The following DLGAP2 variants were observed in gnomAD, a reference collection of about 807,000 sequenced individuals.
DLGAP2 encodes DLG associated protein 2.
DLGAP2 carries 26 observed loss-of-function variants against 100.3 expected under a neutral mutation model. That is an observed-to-expected ratio of 0.26 (90% CI 0.19 to 0.36). DLGAP2 has a LOEUF of 0.36. Among genes scored for constraint, DLGAP2 ranks in the 10% least tolerant of loss-of-function variants. DLGAP2 has a pLI of 1.00. For missense variants in DLGAP2, 1,858 were observed against 1,453.2 expected, an observed-to-expected ratio of 1.28 and a Z score of -4.53; for synonymous variants, 886 against 630.1, an observed-to-expected ratio of 1.41 and a Z score of -6.08.
intron 5 of DLGAP2, among the ~76,000 whole-genome samples, chr8:1,555,143 G>T (rs1057329069): frequency 3.3e-5 from 5 of 152,070 alleles, no homozygotes; most frequent in African/African-American, 1.2e-4. Context: ...TCCCGTAGTG[G>T]AATAGCAGGT....
intron 4 of DLGAP2, among the ~76,000 whole-genome samples, chr8:1,516,043 G>A (rs77205533): frequency 0.013 from 1,863 of 144,230 alleles, 22 homozygotes; most frequent in Non-Finnish European, 0.019. Flanking sequence ...ATGAGTAACT[G>A]AGTGAATGAG....
intron 6 of DLGAP2, among the ~76,000 whole-genome samples, chr8:1,600,723 C>G (rs956954629): frequency 9.9e-5 from 15 of 152,196 alleles, no homozygotes; most frequent in African/African-American, 3.4e-4. Flanking sequence ...TCAGCTCCAT[C>G]AGGTAATTTA....
intron 1 of DLGAP2, among the ~76,000 whole-genome samples, chr8:838,159 A>G (rs1796916472): frequency 6.6e-6 from 1 of 152,070 alleles, no homozygotes; most frequent in African/African-American, 2.4e-5. Context: ...AACATACTTT[A>G]CAATAATTTA....
At chr8:964,952 C>G (rs1014921805) in intron 2 of DLGAP2, among the ~76,000 whole-genome samples, 1 of 152,084 alleles carries the variant, frequency 6.6e-6, no homozygotes, top group Non-Finnish European at 1.5e-5. Flanking sequence ...ACCGCACACA[C>G]GGCTCCTGAG....
At chr8:1,214,943 C>T (rs765927475) in intron 2 of DLGAP2, among the ~76,000 whole-genome samples, 16 of 152,212 alleles carry the variant, frequency 1.1e-4, no homozygotes, top group Non-Finnish European at 1.8e-4. Context: ...CACACTAGAA[C>T]ATGCGTTTAA....
intron 2 of DLGAP2, among the ~76,000 whole-genome samples, chr8:1,124,954 G>A (rs1463739428): frequency 6.6e-6 from 1 of 152,050 alleles, no homozygotes; most frequent in Admixed American, 6.5e-5. Context: ...CCCCCTCATC[G>A]CTGACTGTCC....
At chr8:1,182,599 C>T (rs999126784) in intron 2 of DLGAP2, among the ~76,000 whole-genome samples, 1 of 152,174 alleles carries the variant, frequency 6.6e-6, no homozygotes, top group African/African-American at 2.4e-5. Flanking sequence ...AGAATTGTGT[C>T]ACTAGGAAAT....
chr8:1,005,772 A>C (rs905384751), intron 2 of DLGAP2, among the ~76,000 whole-genome samples: 1 of 152,150 alleles, frequency 6.6e-6, no homozygotes, highest in Non-Finnish European at 1.5e-5. Flanking sequence ...TGCAGACACC[A>C]ATCTGGATAA....
At chr8:1,663,231 G>T (rs1451531905) in intron 8 of DLGAP2, among the ~76,000 whole-genome samples, 2 of 151,952 alleles carry the variant, frequency 1.3e-5, no homozygotes, top group African/African-American at 4.8e-5. Context: ...TGGGGTGTGA[G>T]TGTGTGTGTA....
At chr8:1,199,896 C>A (rs528300372) in intron 2 of DLGAP2, among the ~76,000 whole-genome samples, 1 of 151,996 alleles carries the variant, frequency 6.6e-6, no homozygotes, top group African/African-American at 2.4e-5. Context: ...ATCTCTACAC[C>A]GCCCCCTCCC....
intron 3 of DLGAP2, among the ~76,000 whole-genome samples, chr8:1,264,118 C>G (rs1249264010): frequency 6.6e-6 from 1 of 151,918 alleles, no homozygotes; most frequent in African/African-American, 2.4e-5. Context: ...AAATGCTGTA[C>G]AATATGTAAC....
chr8:1,313,546 C>T (rs1055981671), intron 3 of DLGAP2, among the ~76,000 whole-genome samples: 2 of 152,080 alleles, frequency 1.3e-5, no homozygotes, highest in Admixed American at 1.3e-4. Flanking sequence ...AGTAGTGAGG[C>T]TGGGTTCCTC....
At chr8:1,246,307 ATT>A (rs1208750672) in intron 2 of DLGAP2, among the ~76,000 whole-genome samples, 2 of 152,230 alleles carry the variant, frequency 1.3e-5, no homozygotes, top group Non-Finnish European at 2.9e-5. Flanking sequence ...ATTTCCCACT[ATT>A]CACAGTTCTG....
chr8:1,681,914 G>A (rs1327327652), intron 12 of DLGAP2, among the ~76,000 whole-genome samples: 1 of 148,212 alleles, frequency 6.7e-6, no homozygotes, highest in Non-Finnish European at 1.5e-5. Flanking sequence ...GGGACTGGGA[G>A]TCACGGCCCT....
intron 3 of DLGAP2, among the ~76,000 whole-genome samples, chr8:1,372,599 A>G (rs540254704): frequency 6.0e-4 from 91 of 152,276 alleles, no homozygotes; most frequent in African/African-American, 2.1e-3. Context: ...TCTTTGTGAA[A>G]GAGGTGCAAA....
intron 2 of DLGAP2, among the ~76,000 whole-genome samples, chr8:1,037,257 TTC>T (rs1178298765): frequency 1.3e-5 from 2 of 152,078 alleles, no homozygotes; most frequent in Non-Finnish European, 2.9e-5. Flanking sequence ...CCTCGGGCCT[TTC>T]TCTCTCTGTT....
chr8:993,787 C>CTTTTTTTTTTTTTTTTTT (rs534659471), intron 2 of DLGAP2, among the ~76,000 whole-genome samples: 1 of 64,158 alleles, frequency 1.6e-5, no homozygotes, highest in Admixed American at 2.0e-4. Flanking sequence ...AACTGATTGG[C>CTTTTTTTTTTTTTTTTTT]TTTTTTTTTT....
chr8:1,169,085 C>T (rs1218377299), intron 2 of DLGAP2, among the ~76,000 whole-genome samples: 33 of 148,142 alleles, frequency 2.2e-4, no homozygotes, highest in Non-Finnish European at 7.5e-5. Flanking sequence ...GATCCAGTTT[C>T]AGCTTTCTCC....
At chr8:1,310,463 G>A (rs540783670) in intron 3 of DLGAP2, among the ~76,000 whole-genome samples, 18 of 152,204 alleles carry the variant, frequency 1.2e-4, no homozygotes, top group Admixed American at 5.9e-4. Context: ...TAAGCAGGAC[G>A]TCTACACAGA....
Sources: allele counts gnomAD v4.1 joint callset (sites outside exome capture counted in the v4.1 genomes callset), GRCh38; gene constraint gnomAD v4.1.1; transcripts MANE v1.5; gene names NCBI Gene and HGNC (gene_info 2026-07-23, HGNC 2026-07-21).